Variants in NCOA6 observed in about 807,000 individuals in gnomAD.
NCOA6 encodes the protein NRC RAP250.
Under a neutral mutation model 171.4 loss-of-function variants are expected in NCOA6, and 49 were observed. That is an observed-to-expected ratio of 0.29 (90% confidence interval 0.23 to 0.36). The LOEUF is 0.36. Among genes scored for constraint, NCOA6 ranks in the 10% least tolerant of loss-of-function variants. The pLI, the probability that NCOA6 is intolerant of heterozygous loss-of-function variation, is 1.00. For missense variants in NCOA6, 2,248 were observed against 2,554.5 expected (o/e 0.88, Z 2.59); for synonymous variants, 910 against 927.5 (o/e 0.98, Z 0.34).
Position 34,810,847 on chromosome 20 carries a change from G to A in NCOA6, c.-164+14625C>T, listed in dbSNP as rs1012880252. 3.9e-5 allele frequency among the ~76,000 whole-genome samples: 6 copies of A among 152,094 alleles called. No homozygotes were observed. The East Asian group carries it at 9.7e-4, about 25-fold the overall frequency. On this transcript the variant is annotated intron_variant, in intron 1 of 14. Coordinates refer to ENST00000359003, the MANE Select transcript of NCOA6 (RefSeq NM_014071.5). ...GTGTGAGCCACCGTGCCCGGACTCTGTGCAACCATTTCTTAACCTCAATAT... is the reference window on the plus strand; with the variant it reads ...GTGTGAGCCACCGTGCCCGGACTCTATGCAACCATTTCTTAACCTCAATAT...
chr20:34,754,985 T>G (rs2076602863), intron 7 of NCOA6, 117 bp from the exon 8 acceptor site: 1 of 980,164 alleles, frequency 1.0e-6, no homozygotes, highest in Admixed American at 2.6e-5. Flanking sequence ...GCTCTCTCTG[T>G]CACACTGGTA....
intron 5 of NCOA6, among the ~76,000 whole-genome samples, chr20:34,764,086 AT>A (rs11475245): frequency 0.82 from 108,657 of 131,814 alleles, 44,549 homozygotes; most frequent in Admixed American, 0.9. Flanking sequence ...GCCCAGCTAC[AT>A]TTTTTTTTTT....
intron 13 of NCOA6, among the ~76,000 whole-genome samples, chr20:34,730,351 T>G (rs1990468394): frequency 6.6e-6 from 1 of 152,084 alleles, no homozygotes; most frequent in Non-Finnish European, 1.5e-5. Flanking sequence ...TCTCCCAAAA[T>G]GCTGGGGTTA....
chr20:34,776,701 C>T (rs2077333859), intron 3 of NCOA6: 6 of 595,568 alleles, frequency 1.0e-5, no homozygotes, highest in Non-Finnish European at 1.8e-5. Context: ...GAAAAAACTA[C>T]TTCATATGAT....
chr20:34,746,743 A>G (rs1043105529), intron 10 of NCOA6, 64 bp downstream of exon 10: 8 of 1,482,768 alleles, frequency 5.4e-6, no homozygotes, highest in Admixed American at 4.0e-5. Flanking sequence ...CCTTGAAGAC[A>G]TGGAAGCCTT....
chr20:34,744,867 C>A (rs2076257079), intron 10 of NCOA6, among the ~76,000 whole-genome samples: 2 of 152,112 alleles, frequency 1.3e-5, no homozygotes, highest in Admixed American at 1.3e-4. Flanking sequence ...AGGGTTATGA[C>A]ATGGATGCCT....
chr20:34,791,615 A>C (rs1029137202), intron 2 of NCOA6, among the ~76,000 whole-genome samples: 1 of 152,210 alleles, frequency 6.6e-6, no homozygotes, highest in African/African-American at 2.4e-5. Context: ...TAGATACAAA[A>C]ACTACTTCTC....
chr20:34,742,096 G>A lies in NCOA6; in HGVS notation c.4160C>T (p.Pro1387Leu). 6.2e-7 allele frequency: 1 copy of A among 1,614,210 alleles called. No homozygotes were observed. The highest frequency in any genetic ancestry group is 1.3e-5 in the African/African-American group (1 of 75,046). ...CCCACTGTTGTTAGGAAAGCTCCCAGGTACAGGGGGATTGGCCAGAGGAGT... is the reference window on the plus strand; with the variant it reads ...CCCACTGTTGTTAGGAAAGCTCCCAAGTACAGGGGGATTGGCCAGAGGAGT... ...SPTPLANPPV[P>L]GSFPNNSGLN... Residue 1387 changes from proline to leucine, a missense_variant, in exon 11 of 15, where the codon CCT (proline) becomes CTT (leucine). Physicochemically the swap from Pro to Leu is moderately conservative, Grantham distance 98. Around this residue, in one of 7 missense-constraint regions of NCOA6, gnomAD observed 884 missense variants for 941.9 expected, o/e 0.94. Transcript: ENST00000359003.
chr20:34,715,291 T>G lies in NCOA6; in HGVS notation c.*31A>C. On this transcript the variant is annotated 3_prime_UTR_variant, in exon 15 of 15. Transcript: ENST00000359003. ...TTGCTCTTTGTAAAAGTCACACACA[T>G]TTCCAAGTATCAAGTCGCAGTCCTG... The G allele has an allele frequency of 6.2e-7, 1 of 1,613,666 alleles. No individual in the cohort carries two copies.
At chr20:34,805,043 CTTT>C (rs202086666) in intron 1 of NCOA6, among the ~76,000 whole-genome samples, 1 of 142,048 alleles carries the variant, frequency 7.0e-6, no homozygotes, top group South Asian at 2.2e-4. Flanking sequence ...TTCTTATACC[CTTT>C]TTTTTTTTTT....
chr20:34,823,741 A>T (rs557736814), intron 1 of NCOA6, among the ~76,000 whole-genome samples: 3 of 151,640 alleles, frequency 2.0e-5, no homozygotes, highest in Admixed American at 2.0e-4. Flanking sequence ...TCTGTCGCCC[A>T]GGCAGGAATG....
chr20:34,751,232 C>T (rs1231090317), intron 8 of NCOA6, among the ~76,000 whole-genome samples: 3 of 147,684 alleles, frequency 2.0e-5, no homozygotes, highest in Non-Finnish European at 3.0e-5. Context: ...TAGCCGGGCG[C>T]GGTGGCAGGC....
At chr20:34,779,792 G>C (rs770296332) in intron 3 of NCOA6, among the ~76,000 whole-genome samples, 216 of 152,156 alleles carry the variant, frequency 1.4e-3, no homozygotes, top group Non-Finnish European at 1.5e-3. Context: ...ATTGTACATT[G>C]AATGTTAACT....
chr20:34,720,655 T>C (rs1989205843), intron 14 of NCOA6, among the ~76,000 whole-genome samples: 1 of 152,222 alleles, frequency 6.6e-6, no homozygotes, highest in African/African-American at 2.4e-5. Flanking sequence ...CAAACTCTTA[T>C]TAAATGCAAA....
intron 1 of NCOA6, chr20:34,820,467 A>G (rs1223028603): frequency 6.6e-6 from 1 of 152,022 alleles, no homozygotes; most frequent in Non-Finnish European, 1.5e-5. Flanking sequence ...ACCTTAAAAC[A>G]GATGTTTTAA....
At chr20:34,795,904 TCAA>T in intron 1 of NCOA6, among the ~76,000 whole-genome samples, 1 of 152,288 alleles carries the variant, frequency 6.6e-6, no homozygotes, top group East Asian at 1.9e-4. Context: ...TTCAAATTAT[TCAA>T]CAAAGGTAGA....
At chr20:34,799,725 T>C (rs913968478) in intron 1 of NCOA6, among the ~76,000 whole-genome samples, 4 of 152,142 alleles carry the variant, frequency 2.6e-5, no homozygotes, top group Admixed American at 2.0e-4. Flanking sequence ...AAAAAAAATT[T>C]ACCCTAGAAT....
At chr20:34,773,423 C>A (rs1012160158) in intron 4 of NCOA6, among the ~76,000 whole-genome samples, 2 of 152,194 alleles carry the variant, frequency 1.3e-5, no homozygotes, top group African/African-American at 4.8e-5. Context: ...GCAGCAGACA[C>A]GATAGTGGCA....
chr20:34,735,513 G>A (rs560924650), intron 12 of NCOA6, among the ~76,000 whole-genome samples: 5 of 151,884 alleles, frequency 3.3e-5, no homozygotes, highest in Non-Finnish European at 7.4e-5. Flanking sequence ...GGCTGGTGGC[G>A]GGCACCTATA....
Sources: allele counts gnomAD v4.1 joint callset (sites outside exome capture counted in the v4.1 genomes callset), GRCh38; gene constraint gnomAD v4.1.1; regional missense constraint gnomAD v4.1.1; transcripts MANE v1.5; gene names NCBI Gene and HGNC (gene_info 2026-07-23, HGNC 2026-07-21).